The following ERC2 variants were observed in gnomAD, a reference collection of about 807,000 sequenced individuals.
ERC2 encodes the protein ERC protein 2.
A neutral mutation model predicts 114.8 loss-of-function variants in ERC2; 42 were observed. That is an observed-to-expected ratio of 0.37 (90% confidence interval 0.29 to 0.47). The LOEUF (loss-of-function observed/expected upper bound fraction) is 0.47. Among genes scored for constraint, ERC2 ranks in the 20% least tolerant of loss-of-function variants. ERC2 has a pLI of 0.99. For synonymous variants in ERC2, 454 were observed against 425.5 expected (o/e 1.07, Z -0.82); for missense variants, 939 against 1,150.7 (o/e 0.82, Z 2.66).
rs1309921544 is a variant in ERC2 at position 56,259,643 on chromosome 3, AGATTTGATATGATAT to A, written c.1074+36361_1074+36375del. Among the ~76,000 whole-genome samples, 238 of 133,172 alleles carry A rather than the reference AGATTTGATATGATAT, an allele frequency of 1.8e-3. 2 individuals are homozygous for A. The East Asian group carries it at 0.05, about 28-fold the overall frequency. The allele number at this position is 133,172 out of a possible 152,430, so 87.4% of individuals were successfully genotyped here. A position where few individuals can be genotyped will look rare whatever the true frequency, so the allele number is the denominator to read the frequency against. Reference sequence around the variant, plus strand: ...TATTTATAGTATGTAATTCTGGTACAGATTTGATATGATATGATATGATATGATATGATATGATAT... The same window carrying A: ...TATTTATAGTATGTAATTCTGGTACAGATATGATATGATATGATATGATAT... On this transcript the variant is annotated intron_variant, in intron 3 of 17. Transcript: ENST00000288221.
At chr3:55,515,608 G>T (rs1024194380) in intron 17 of ERC2, among the ~76,000 whole-genome samples, 1 of 147,166 alleles carries the variant, frequency 6.8e-6, no homozygotes, top group African/African-American at 2.5e-5. Context: ...TGTATAAATA[G>T]TATCATACTA....
intron 17 of ERC2, among the ~76,000 whole-genome samples, chr3:55,630,817 G>A (rs1162913269): frequency 6.6e-6 from 1 of 152,184 alleles, no homozygotes; most frequent in Admixed American, 6.5e-5. Flanking sequence ...AAATAGGTGT[G>A]CCACTTGAAA....
intron 10 of ERC2, among the ~76,000 whole-genome samples, chr3:55,997,905 TTTGTG>T (rs1264918878): frequency 4.0e-3 from 103 of 25,978 alleles, no homozygotes; most frequent in East Asian, 0.026. Flanking sequence ...TTTTTTTTTT[TTTGTG>T]TGTGTGTGTG....
At position 56,202,540 on chromosome 3, in the gene ERC2, G is replaced by A. The variant is rs115156024; in HGVS notation, c.1075-29020C>T. 1.8e-3 allele frequency among the ~76,000 whole-genome samples: 260 copies of A among 144,540 alleles called. 1 individual carries two copies. The highest frequency in any genetic ancestry group is 6.2e-3 in the African/African-American group (246 of 39,732). The allele number at this position is 144,540 out of a possible 152,430, so 94.8% of individuals were successfully genotyped here. ...CTTATTTATAGATGTATTTATATGC[G>A]GCTTTATGGGGGTATAAATGACCAA... is the stretch of plus-strand genomic sequence containing the variant. On this transcript the variant is annotated intron_variant, in intron 3 of 17. Transcript: ENST00000288221.
At chr3:55,822,861 C>T (rs996231635) in intron 14 of ERC2, among the ~76,000 whole-genome samples, 1 of 152,176 alleles carries the variant, frequency 6.6e-6, no homozygotes, top group South Asian at 2.1e-4. Flanking sequence ...GATCCACCCG[C>T]CTCGGCCTCC....
chr3:56,211,491 A>T (rs2049054946), intron 3 of ERC2, among the ~76,000 whole-genome samples: 1 of 152,212 alleles, frequency 6.6e-6, no homozygotes, highest in African/African-American at 2.4e-5. Context: ...ATGCTCATGG[A>T]TGGGTAGAAT....
At chr3:56,426,903 T>C (rs572710684) in intron 2 of ERC2, among the ~76,000 whole-genome samples, 1 of 151,430 alleles carries the variant, frequency 6.6e-6, no homozygotes, top group South Asian at 2.1e-4. Context: ...GGCTCACCCC[T>C]GTAATCCTAG....
At chr3:55,733,483 CACAT>C (rs750977081) in intron 15 of ERC2, among the ~76,000 whole-genome samples, 59 of 110,206 alleles carry the variant, frequency 5.4e-4, no homozygotes, top group Middle Eastern at 5.2e-3. Flanking sequence ...CACACACACA[CACAT>C]TCTCTGTCTC....
chr3:56,132,228 G>A (rs955099860), intron 6 of ERC2, among the ~76,000 whole-genome samples: 1 of 152,162 alleles, frequency 6.6e-6, no homozygotes, highest in Admixed American at 6.5e-5. Flanking sequence ...GCTTTACCAA[G>A]AACTGGGGGA....
At chr3:56,289,034 T>C (rs1401367633) in intron 3 of ERC2, among the ~76,000 whole-genome samples, 2 of 152,178 alleles carry the variant, frequency 1.3e-5, no homozygotes, top group African/African-American at 4.8e-5. Context: ...AGAAATGCCT[T>C]GTGTACTTGG....
chr3:55,928,508 T>G (rs1458943477), intron 13 of ERC2, among the ~76,000 whole-genome samples: 1 of 152,222 alleles, frequency 6.6e-6, no homozygotes, highest in Non-Finnish European at 1.5e-5. Flanking sequence ...ATATTCTGGT[T>G]ATCAATCCCT....
At chr3:56,410,908 C>T (rs1381814599) in intron 2 of ERC2, among the ~76,000 whole-genome samples, 1 of 151,870 alleles carries the variant, frequency 6.6e-6, no homozygotes, top group African/African-American at 2.4e-5. Flanking sequence ...TTCACTTGTC[C>T]CTCCTTGCCC....
chr3:55,863,949 C>T (rs1359684938), intron 14 of ERC2, among the ~76,000 whole-genome samples: 1 of 149,746 alleles, frequency 6.7e-6, no homozygotes, highest in African/African-American at 2.5e-5. Flanking sequence ...GTCTATAGTA[C>T]CTATCCTCTC....
chr3:56,367,427 C>T (rs2059192083), intron 2 of ERC2, among the ~76,000 whole-genome samples: 1 of 152,112 alleles, frequency 6.6e-6, no homozygotes, highest in African/African-American at 2.4e-5. Flanking sequence ...TACCCAGTGC[C>T]CTCTTCCCCC....
Position 56,434,586 on chromosome 3 carries a change from T to G in ERC2, c.422A>C (p.Gln141Pro), listed in dbSNP as rs749099072. ...HHHQVPSMLR[Q>P]VRDSTMLDLQ... ...ATCTAACATTGTGCTGTCTCTTACC[T>G]GCCTCAACATGGAGGGGACCTGGTG... The change falls in exon 2 of 18, where the codon CAG becomes CCG. Residue 141 changes from glutamine (Q) to proline (P), a missense_variant. Physicochemically the swap from Gln to Pro is moderately conservative, Grantham distance 76. Coordinates refer to ENST00000288221, the MANE Select transcript of ERC2 (RefSeq NM_015576.3). The G allele has an allele frequency of 1.2e-6, 2 of 1,613,990 alleles. No homozygotes were observed. Among genetic ancestry groups the G allele is most frequent in the Non-Finnish European group, 1.7e-6 (2 of 1,179,882 alleles).
chr3:55,726,747 T>C (rs2064947804), intron 15 of ERC2, among the ~76,000 whole-genome samples: 1 of 152,184 alleles, frequency 6.6e-6, no homozygotes, highest in African/African-American at 2.4e-5. Flanking sequence ...GACTTTTTTT[T>C]CTGCAAACCC....
At position 55,652,770 on chromosome 3, in the gene ERC2, G is replaced by A. The variant is rs569312721; in HGVS notation, c.*39+31024C>T. ...GTGCCTGTAATCTCCTGAGGCAGGAGAATCGTTTGAACCCGGGAGGCAGAG... is the reference window on the plus strand; with the variant it reads ...GTGCCTGTAATCTCCTGAGGCAGGAAAATCGTTTGAACCCGGGAGGCAGAG... On this transcript the variant is annotated intron_variant, in intron 17 of 17. Transcript: ENST00000288221. Among the ~76,000 whole-genome samples the A allele has an allele frequency of 4.5e-3, 665 of 146,702 alleles. 8 individuals carry two copies. The highest frequency in any genetic ancestry group is 0.016 in the African/African-American group (634 of 39,516).
chr3:56,145,794 C>T (rs144111058), intron 5 of ERC2, among the ~76,000 whole-genome samples: 26 of 152,320 alleles, frequency 1.7e-4, no homozygotes, highest in African/African-American at 6.0e-4. Context: ...CAGGCATTCA[C>T]TGACACTTAA....
intron 17 of ERC2, among the ~76,000 whole-genome samples, chr3:55,523,627 G>C (rs547347341): frequency 6.6e-6 from 1 of 152,290 alleles, no homozygotes; most frequent in African/African-American, 2.4e-5. Context: ...ATTTGTGTTA[G>C]GATCTGATTA....
Sources: allele counts gnomAD v4.1 joint callset (sites outside exome capture counted in the v4.1 genomes callset), GRCh38; gene constraint gnomAD v4.1.1; transcripts MANE v1.5; gene names NCBI Gene and HGNC (gene_info 2026-07-23, HGNC 2026-07-21).